The following CTNNA2 variants were observed in gnomAD, a reference collection of about 807,000 sequenced individuals.
CTNNA2 encodes catenin alpha-2.
In CTNNA2, 42 loss-of-function variants were observed where a neutral mutation model predicts 101.0. The ratio of observed to expected loss-of-function variants is 0.42; its 90% confidence interval spans 0.32 to 0.54. CTNNA2 has a LOEUF of 0.54. CTNNA2 is among the 20% of genes least tolerant of loss of function. CTNNA2 has a pLI of 0.14. For synonymous variants in CTNNA2, 450 were observed against 456.4 expected (o/e 0.99, Z 0.18); for missense variants, 871 against 1,223.1 (o/e 0.71, Z 4.29).
At chr2:79,645,084 G>C (rs1001081847) in intron 1 of CTNNA2, among the ~76,000 whole-genome samples, 1 of 152,064 alleles carries the variant, frequency 6.6e-6, no homozygotes, top group Non-Finnish European at 1.5e-5. Flanking sequence ...CTGGGCTCAG[G>C]CCATCTTCCC....
intron 7 of CTNNA2, among the ~76,000 whole-genome samples, chr2:79,923,543 T>C (rs1207869512): frequency 1.3e-5 from 2 of 152,196 alleles, no homozygotes; most frequent in Non-Finnish European, 2.9e-5. Context: ...ATCAAACTAA[T>C]TAACATATCA....
At chr2:79,784,121 G>A (rs1482588640) in intron 3 of CTNNA2, among the ~76,000 whole-genome samples, 1 of 152,142 alleles carries the variant, frequency 6.6e-6, no homozygotes, top group East Asian at 1.9e-4. Flanking sequence ...ATGATTGACA[G>A]CACCATCACC....
At chr2:79,916,469 A>C (rs1686209494) in intron 7 of CTNNA2, among the ~76,000 whole-genome samples, 1 of 140,218 alleles carries the variant, frequency 7.1e-6, no homozygotes, top group South Asian at 2.3e-4. Context: ...GTGCATTTAC[A>C]CTTCCCATGC....
chr2:79,767,874 G>A (rs138657420), intron 3 of CTNNA2, among the ~76,000 whole-genome samples: 1 of 151,502 alleles, frequency 6.6e-6, no homozygotes, highest in African/African-American at 2.4e-5. Context: ...GGTCTCTCTT[G>A]GAGCTGTGAG....
At chr2:79,243,862 G>A (rs550017272) in intron 2 of CTNNA2, among the ~76,000 whole-genome samples, 1 of 152,154 alleles carries the variant, frequency 6.6e-6, no homozygotes, top group Non-Finnish European at 1.5e-5. Context: ...CTTTCCATGT[G>A]GGAGTGCACA....
At chr2:79,615,566 T>C (rs964203742) in intron 1 of CTNNA2, among the ~76,000 whole-genome samples, 3 of 152,174 alleles carry the variant, frequency 2.0e-5, no homozygotes, top group African/African-American at 7.2e-5. Context: ...ATATTCCTGA[T>C]AGGAGGGAAC....
chr2:79,310,983 T>G (rs1676354432), intron 2 of CTNNA2, among the ~76,000 whole-genome samples: 1 of 152,134 alleles, frequency 6.6e-6, no homozygotes, highest in African/African-American at 2.4e-5. Context: ...AATCCTAAAT[T>G]TTCATACTTG....
chr2:79,894,222 C>T (rs1684535935), intron 6 of CTNNA2, among the ~76,000 whole-genome samples: 1 of 151,964 alleles, frequency 6.6e-6, no homozygotes, highest in South Asian at 2.1e-4. Context: ...GAATTCAGTT[C>T]CCTTTAGAAC....
chr2:80,486,986 T>C (rs912125244), intron 9 of CTNNA2, among the ~76,000 whole-genome samples: 1 of 152,150 alleles, frequency 6.6e-6, no homozygotes, highest in African/African-American at 2.4e-5. Context: ...ATATTGCTTT[T>C]AAAAAGTGCA....
rs1334184635 is a variant in CTNNA2, at chr2:79,687,855, G to A, written c.102+36197G>A. On this transcript the variant is annotated intron_variant, in intron 2 of 18. Coordinates refer to ENST00000402739, the MANE Select transcript of CTNNA2 (RefSeq NM_001282597.3). ...AGCCCTGATTCAGTTTTTATTTGAA[G>A]GATGAATGTCCCGGAATAGATAAGA... The A allele has an allele frequency of 1.6e-5, 6 of 382,992 alleles. No homozygotes were observed. In the East Asian group the frequency reaches 3.1e-4, roughly 20 times the overall value. 23.7% of individuals were successfully genotyped at this position (382,992 alleles called of 1,614,324 possible).
At chr2:80,232,757 C>G (rs895542957) in intron 7 of CTNNA2, among the ~76,000 whole-genome samples, 6 of 152,066 alleles carry the variant, frequency 3.9e-5, no homozygotes, top group Admixed American at 1.3e-4. Context: ...CCTTCCTGCC[C>G]TTGAGTTCCA....
intron 7 of CTNNA2, among the ~76,000 whole-genome samples, chr2:80,171,500 G>T (rs1305621219): frequency 2.0e-5 from 3 of 152,276 alleles, no homozygotes; most frequent in South Asian, 4.1e-4. Flanking sequence ...CTGTAACAAA[G>T]AAGCCCCCAA....
At chr2:79,503,420 G>A (rs1425804972) in intron 4 of CTNNA2, among the ~76,000 whole-genome samples, 3 of 152,090 alleles carry the variant, frequency 2.0e-5, no homozygotes, top group African/African-American at 4.8e-5. Context: ...CCATCAAGAC[G>A]TTCTGTACTA....
chr2:80,533,900 C>G (rs1432717698), intron 9 of CTNNA2, among the ~76,000 whole-genome samples: 1 of 152,138 alleles, frequency 6.6e-6, no homozygotes, highest in African/African-American at 2.4e-5. Context: ...TTTCACATAA[C>G]CACACATTAT....
intron 17 of CTNNA2, among the ~76,000 whole-genome samples, chr2:80,617,417 T>C (rs1698943609): frequency 1.3e-5 from 2 of 151,754 alleles, no homozygotes; most frequent in South Asian, 4.1e-4. Context: ...AGCTGTTGAA[T>C]ATATAATTTG....
rs372024293 is a variant in CTNNA2 at position 79,401,659 on chromosome 2, A to T, written c.-135+27646A>T. ...TAAAATGATATACTAGAAAATATCTAACAGAAAACAAACCAGTAATGATAA... is the reference window on the plus strand; with the variant it reads ...TAAAATGATATACTAGAAAATATCTTACAGAAAACAAACCAGTAATGATAA... On this transcript the variant is annotated intron_variant, in intron 4 of 21. Coordinates refer to the CTNNA2 transcript ENST00000466387. Among the ~76,000 whole-genome samples, 11 of 151,640 alleles carry T rather than the reference A, an allele frequency of 7.3e-5. No homozygotes were observed. The East Asian group carries it at 1.4e-3, about 19-fold the overall frequency.
rs528613291 is a variant in CTNNA2 at position 79,535,373 on chromosome 2, T to G, written c.-6+22166T>G. On this transcript the variant is annotated intron_variant, in intron 1 of 18. Coordinates refer to ENST00000402739, the MANE Select transcript of CTNNA2 (RefSeq NM_001282597.3). ...GCCCCTGCCACCACGCCCAGCTAAT[T>G]TTTTGTATTTTTAGTAGAGACAGGG... Among the ~76,000 whole-genome samples, 253 of 151,586 alleles carry G rather than the reference T, an allele frequency of 1.7e-3. 1 individual carries two copies. The highest frequency in any genetic ancestry group is 2.9e-3 in the Non-Finnish European group (196 of 67,860).
intron 7 of CTNNA2, among the ~76,000 whole-genome samples, chr2:79,956,141 T>C (rs528169902): frequency 3.4e-4 from 52 of 152,106 alleles, no homozygotes; most frequent in African/African-American, 1.2e-3. Flanking sequence ...CAGAGAGAGG[T>C]TGAATGGGAA....
rs183644863 is a variant in CTNNA2, at chr2:80,204,185, T to C, written c.1057-189026T>C. On this transcript the variant is annotated intron_variant, in intron 7 of 18. Coordinates refer to ENST00000402739, the MANE Select transcript of CTNNA2 (RefSeq NM_001282597.3). ...AAAGTTCTCTAACATGCCCTGGAGA[T>C]ATTTTCCCCATTCTCTTAGTGATTA... 4.3e-4 allele frequency among the ~76,000 whole-genome samples: 66 copies of C among 152,324 alleles called. 2 individuals carry two copies. The highest frequency in any genetic ancestry group is 3.4e-3 in the Middle Eastern group (1 of 294).
Sources: allele counts gnomAD v4.1 joint callset (sites outside exome capture counted in the v4.1 genomes callset), GRCh38; gene constraint gnomAD v4.1.1; transcripts MANE v1.5; gene names NCBI Gene and HGNC (gene_info 2026-07-23, HGNC 2026-07-21).